SNTG1: variants seen among roughly 807,000 people sequenced by gnomAD.
SNTG1 encodes the protein gamma-1-syntrophin.
SNTG1 carries 39 observed loss-of-function variants against 74.7 expected under a neutral mutation model. The observed-to-expected ratio is 0.52, with a 90% confidence interval of 0.40 to 0.68. The LOEUF (loss-of-function observed/expected upper bound fraction) is 0.68. SNTG1 is among the 30% of genes least tolerant of loss of function. The pLI, the probability that SNTG1 is intolerant of heterozygous loss-of-function variation, is 0.00. For missense variants in SNTG1, 685 were observed against 609.5 expected (o/e 1.12, Z -1.30); for synonymous variants, 254 against 217.1 (o/e 1.17, Z -1.49).
intron 18 of SNTG1, among the ~76,000 whole-genome samples, chr8:50,782,320 T>G (rs1326409907): frequency 6.6e-6 from 1 of 152,216 alleles, no homozygotes; most frequent in Non-Finnish European, 1.5e-5. Context: ...GGTTCCATTC[T>G]CCCCGTCACT....
intron 4 of SNTG1, among the ~76,000 whole-genome samples, chr8:50,405,745 T>C (rs922089695): frequency 6.6e-6 from 1 of 152,132 alleles, no homozygotes; most frequent in Non-Finnish European, 1.5e-5. Flanking sequence ...TTTTCCACTA[T>C]ATTTTCTTCT....
chr8:50,245,606 C>T (rs762043630), intron 2 of SNTG1, among the ~76,000 whole-genome samples: 49 of 152,056 alleles, frequency 3.2e-4, no homozygotes, highest in Non-Finnish European at 3.2e-4. Context: ...TCCCTTGAAC[C>T]CAGGAGGCGG....
intron 12 of SNTG1, among the ~76,000 whole-genome samples, chr8:50,573,724 C>T (rs948387311): frequency 6.6e-6 from 1 of 151,632 alleles, no homozygotes; most frequent in African/African-American, 2.4e-5. Context: ...TATTTGTCCC[C>T]ATGTTTTAGA....
intron 11 of SNTG1, among the ~76,000 whole-genome samples, chr8:50,549,517 C>A (rs1482297762): frequency 6.6e-6 from 1 of 152,156 alleles, no homozygotes; most frequent in South Asian, 2.1e-4. Context: ...CTTCACCCCA[C>A]AGAGAGATAT....
intron 9 of SNTG1, among the ~76,000 whole-genome samples, chr8:50,527,394 A>G (rs1315381531): frequency 1.3e-5 from 2 of 152,062 alleles, no homozygotes; most frequent in Admixed American, 1.3e-4. Flanking sequence ...CCAAGGTTGC[A>G]AAGATATTTT....
chr8:50,352,216 A>C (rs1215685397), intron 2 of SNTG1, among the ~76,000 whole-genome samples: 1 of 152,136 alleles, frequency 6.6e-6, no homozygotes, highest in African/African-American at 2.4e-5. Flanking sequence ...GTAAAATTAG[A>C]TAATTAGCTT....
chr8:50,473,839 C>T (rs2093673090), intron 8 of SNTG1, among the ~76,000 whole-genome samples: 1 of 152,050 alleles, frequency 6.6e-6, no homozygotes. Flanking sequence ...TGTATGAAAC[C>T]ACTTATATGG....
At chr8:50,398,161 T>C (rs2092752365) in intron 3 of SNTG1, among the ~76,000 whole-genome samples, 1 of 152,236 alleles carries the variant, frequency 6.6e-6, no homozygotes, top group Admixed American at 6.5e-5. Flanking sequence ...ACAATAAGTG[T>C]ATTTTAACTT....
chr8:50,208,180 A>T (rs1801948238), intron 2 of SNTG1, among the ~76,000 whole-genome samples: 1 of 152,148 alleles, frequency 6.6e-6, no homozygotes, highest in African/African-American at 2.4e-5. Context: ...AAAGTCTCCC[A>T]TTATTATTGA....
At chr8:50,212,243 A>T (rs765636596) in intron 2 of SNTG1, among the ~76,000 whole-genome samples, 2 of 152,176 alleles carry the variant, frequency 1.3e-5, no homozygotes, top group Non-Finnish European at 2.9e-5. Context: ...TTGCCTGGGC[A>T]ACACGTTTCT....
In SNTG1 at chr8:50,258,145, T is replaced by C. The variant is rs145978841; in HGVS notation, c.-28+85510T>C. On this transcript the variant is annotated intron_variant, in intron 2 of 18. Coordinates refer to ENST00000642720, the MANE Select transcript of SNTG1 (RefSeq NM_018967.5). ...GCAGCAGCAAGCTTGGAGTGCAGAA[T>C]CAATATGCAGAGTTGCTACAATATA... Among the ~76,000 whole-genome samples the C allele has an allele frequency of 3.3e-3, 496 of 152,312 alleles. 4 individuals are homozygous for C. Among genetic ancestry groups the C allele is most frequent in the African/African-American group, 0.011 (444 of 41,566 alleles).
intron 1 of SNTG1, among the ~76,000 whole-genome samples, chr8:49,986,583 A>AGTGGTTCATGCCTGTAAT (rs1340514899): frequency 2.0e-5 from 3 of 152,008 alleles, no homozygotes; most frequent in African/African-American, 7.3e-5. Flanking sequence ...GCACTTTTGG[A>AGTGGTTCATGCCTGTAAT]GTGGTTCATG....
intron 2 of SNTG1, among the ~76,000 whole-genome samples, chr8:50,204,008 A>G (rs1466250966): frequency 6.6e-6 from 1 of 152,084 alleles, no homozygotes; most frequent in Non-Finnish European, 1.5e-5. Flanking sequence ...TAAGGTGATG[A>G]AAAATGCATA....
chr8:50,283,178 A>G (rs4341173), intron 2 of SNTG1, among the ~76,000 whole-genome samples: 128,301 of 152,206 alleles, frequency 0.84, 55,588 homozygotes, highest in East Asian at 1. Context: ...CATCCTCATC[A>G]GTTATTTCAG....
chr8:50,381,663 AT>A (rs1348908150), intron 2 of SNTG1, among the ~76,000 whole-genome samples: 1 of 25,990 alleles, frequency 3.8e-5, no homozygotes, highest in Non-Finnish European at 1.3e-4. Flanking sequence ...TATATATCCT[AT>A]TAGTTATATA....
chr8:49,977,323 G>T (rs1477718209), intron 1 of SNTG1, among the ~76,000 whole-genome samples: 1 of 152,038 alleles, frequency 6.6e-6, no homozygotes, highest in East Asian at 1.9e-4. Context: ...TTCAGAAAAT[G>T]TAGGGACTGT....
chr8:50,401,615 G>A (rs1000923796), intron 3 of SNTG1, among the ~76,000 whole-genome samples: 53 of 152,060 alleles, frequency 3.5e-4, no homozygotes, highest in African/African-American at 8.9e-4. Context: ...ATGTGAGTGC[G>A]TGTTCATGCA....
chr8:50,736,006 A>G (rs975333742), intron 17 of SNTG1, among the ~76,000 whole-genome samples: 1 of 152,136 alleles, frequency 6.6e-6, no homozygotes, highest in African/African-American at 2.4e-5. Context: ...CCAGAATTTC[A>G]TATCCAGCCA....
chr8:50,669,802 G>A (rs1308375458), intron 15 of SNTG1, among the ~76,000 whole-genome samples: 2 of 152,106 alleles, frequency 1.3e-5, no homozygotes, highest in Admixed American at 6.6e-5. Context: ...ATAAAATACT[G>A]GCAAACCAAA....
Sources: allele counts gnomAD v4.1 joint callset (sites outside exome capture counted in the v4.1 genomes callset), GRCh38; gene constraint gnomAD v4.1.1; transcripts MANE v1.5; gene names NCBI Gene and HGNC (gene_info 2026-07-23, HGNC 2026-07-21).